Variants in ACOT11 observed in about 807,000 individuals in gnomAD.
ACOT11 encodes the protein acyl-CoA thioesterase 11, also known as acyl-coenzyme A thioesterase 11.
ACOT11 carries 69 observed loss-of-function variants against 77.5 expected under a neutral mutation model. The observed-to-expected ratio is 0.89, with a 90% CI of 0.73 to 1.09. The LOEUF (loss-of-function observed/expected upper bound fraction) is 1.09, where lower values mean the gene tolerates loss of function less well. Among genes scored for constraint, ACOT11 ranks in the 50% least tolerant of loss-of-function variants. The pLI is 0.00. For synonymous variants in ACOT11, 279 were observed against 313.0 expected (o/e 0.89, Z 1.15); for missense variants, 766 against 813.7 (o/e 0.94, Z 0.71).
At chr1:54,629,724 A>G (rs1644290045) in intron 15 of ACOT11, among the ~76,000 whole-genome samples, 1 of 132,512 alleles carries the variant, frequency 7.5e-6, no homozygotes, top group Non-Finnish European at 1.7e-5. Flanking sequence ...AGCTAGGACT[A>G]CAGCTGTGCA....
chr1:54,602,055 G>A (rs1458145317), intron 9 of ACOT11, among the ~76,000 whole-genome samples: 3 of 152,256 alleles, frequency 2.0e-5, no homozygotes, highest in African/African-American at 7.2e-5. Context: ...CTGTGGAGTT[G>A]GGTGGAGCCT....
At chr1:54,632,222 C>T (rs1644303469) in intron 16 of ACOT11, among the ~76,000 whole-genome samples, 1 of 152,194 alleles carries the variant, frequency 6.6e-6, no homozygotes, top group East Asian at 1.9e-4. Context: ...ATGAGGGGCC[C>T]GTCCCGGGCC....
Position 54,584,215 on chromosome 1 carries a change from T to G in ACOT11, c.34-440T>G, listed in dbSNP as rs1475907217. ...CCTTTGGGGATGAAATCAGAGCGGCTTCTTGAAACACTGTATTAGGAACAG... is the reference window on the plus strand; with the variant it reads ...CCTTTGGGGATGAAATCAGAGCGGCGTCTTGAAACACTGTATTAGGAACAG... On this transcript the variant is annotated intron_variant, in intron 1 of 15. Transcript: ENST00000343744. The surrounding 1 kb of genome is among the most constrained non-coding windows in gnomAD (Gnocchi z 6.3). Among the ~76,000 whole-genome samples, 1 of 152,096 alleles carries G rather than the reference T, an allele frequency of 6.6e-6. No individual in the cohort carries two copies. Among genetic ancestry groups the G allele is most frequent in the Non-Finnish European group, 1.5e-5 (1 of 68,026 alleles).
At chr1:54,616,961 C>T (rs978089863) in intron 15 of ACOT11, among the ~76,000 whole-genome samples, 2 of 146,926 alleles carry the variant, frequency 1.4e-5, no homozygotes, top group Non-Finnish European at 3.0e-5. Flanking sequence ...CCACTTTGGC[C>T]TCTCAAAGTG....
chr1:54,548,333 C>T lies in ACOT11; in HGVS notation c.24C>T (p.His8=). The T allele has an allele frequency of 6.2e-7, 1 of 1,602,548 alleles. No individual in the cohort carries two copies. The highest frequency in any genetic ancestry group is 8.5e-7 in the Non-Finnish European group (1 of 1,175,076). Residue 8 remains histidine, a synonymous_variant, in exon 1 of 16, where the codon CAC becomes CAT. Coordinates refer to ENST00000343744, the MANE Select transcript of ACOT11 (RefSeq NM_147161.4). The stretch of plus-strand genomic sequence containing the variant: ...CGATGATCCAGAATGTCGGAAATCA[C>T]CTGCGACGGGTATGGAGGGTGGGCT... MIQNVGN[H]LRRGLASVFS... is the part of the protein sequence containing the mutation.
chr1:54,554,054 TC>T (rs1653164836), intron 1 of ACOT11, among the ~76,000 whole-genome samples: 1 of 151,894 alleles, frequency 6.6e-6, no homozygotes, highest in Admixed American at 6.6e-5. Context: ...GCGCCTCTAG[TC>T]CCAGCTAGTT....
intron 1 of ACOT11, among the ~76,000 whole-genome samples, chr1:54,559,394 T>C (rs1207737369): frequency 6.6e-6 from 1 of 152,136 alleles, no homozygotes; most frequent in Non-Finnish European, 1.5e-5. Context: ...CCCGGGAGCC[T>C]TCGGAGAGCT....
rs1267288277 is a variant in ACOT11 at position 54,584,507 on chromosome 1, G to A, written c.34-148G>A. On this transcript the variant is annotated intron_variant, in intron 1 of 15. Transcript: ENST00000343744. The surrounding 1 kb of genome is among the most constrained non-coding windows in gnomAD (Gnocchi z 6.3). ...GGTCCGAGACCACGGGCTGGAGGGT[G>A]GTGACCACTCTCGGGTTGGGGTCTG... 5.8e-6 allele frequency: 4 copies of A among 689,110 alleles called. No homozygotes were observed. In the African/African-American group the frequency reaches 7.2e-5, roughly 12 times the overall value. The allele number at this position is 689,110 out of a possible 1,614,324, so 42.7% of individuals were successfully genotyped here.
At chr1:54,564,106 C>T (rs1569659894) in intron 1 of ACOT11, among the ~76,000 whole-genome samples, 2 of 150,544 alleles carry the variant, frequency 1.3e-5, no homozygotes, top group South Asian at 4.2e-4. Flanking sequence ...GTGGTGCGTG[C>T]CTGTAGTCTC....
At chr1:54,577,777 A>G (rs1426138882) in intron 1 of ACOT11, among the ~76,000 whole-genome samples, 1 of 152,264 alleles carries the variant, frequency 6.6e-6, no homozygotes, top group Non-Finnish European at 1.5e-5. Flanking sequence ...CATTCCCACC[A>G]GTAATGTACA....
chr1:54,618,130 T>G (rs1644194146), intron 15 of ACOT11, among the ~76,000 whole-genome samples: 1 of 152,144 alleles, frequency 6.6e-6, no homozygotes, highest in Non-Finnish European at 1.5e-5. Context: ...CCTCCCCATC[T>G]CTGGGCTGTT....
intron 16 of ACOT11, among the ~76,000 whole-genome samples, chr1:54,632,122 A>G (rs1644303043): frequency 6.6e-6 from 1 of 152,204 alleles, no homozygotes; most frequent in African/African-American, 2.4e-5. Context: ...TGATCCTGAA[A>G]TATGTCCAAA....
intron 10 of ACOT11, among the ~76,000 whole-genome samples, chr1:54,603,052 G>A (rs1272566120): frequency 1.3e-5 from 2 of 152,216 alleles, no homozygotes; most frequent in African/African-American, 2.4e-5. Flanking sequence ...ATGAAGAAAC[G>A]TTCAGAGAGG....
At chr1:54,591,442 G>A (rs1006458873) in intron 3 of ACOT11, among the ~76,000 whole-genome samples, 2 of 152,328 alleles carry the variant, frequency 1.3e-5, no homozygotes, top group African/African-American at 4.8e-5. Context: ...CTGTGTTCAC[G>A]GTGGCCCCTT....
chr1:54,569,777 T>C (rs1298304183), intron 1 of ACOT11, among the ~76,000 whole-genome samples: 1 of 152,190 alleles, frequency 6.6e-6, no homozygotes, highest in Non-Finnish European at 1.5e-5. Context: ...AAAAAAGTGA[T>C]AGCAACAGAA....
exon 17 of ACOT11, chr1:54,638,604 C>G (rs1289763153): frequency 6.6e-6 from 1 of 152,078 alleles, no homozygotes; most frequent in South Asian, 2.1e-4. Flanking sequence ...GTGATCTGCC[C>G]GCCTTGGCCT....
intron 4 of ACOT11, among the ~76,000 whole-genome samples, chr1:54,593,180 G>A (rs1466537986): frequency 6.6e-6 from 1 of 152,216 alleles, no homozygotes; most frequent in Non-Finnish European, 1.5e-5. Context: ...TGGTTCCTGA[G>A]GGAGCACTGA....
At chr1:54,587,029 C>G (rs979418212) in intron 3 of ACOT11, among the ~76,000 whole-genome samples, 1 of 152,204 alleles carries the variant, frequency 6.6e-6, no homozygotes, top group East Asian at 1.9e-4. Context: ...TCCCTGTACT[C>G]ACTCATTCAG....
intron 15 of ACOT11, among the ~76,000 whole-genome samples, chr1:54,617,025 C>T (rs1481160070): frequency 6.6e-6 from 1 of 152,136 alleles, no homozygotes; most frequent in Non-Finnish European, 1.5e-5. Flanking sequence ...TTTTAAAGCC[C>T]ATGTTATCAA....
Sources: allele counts gnomAD v4.1 joint callset (sites outside exome capture counted in the v4.1 genomes callset), GRCh38; gene constraint gnomAD v4.1.1; non-coding constraint Gnocchi (gnomAD v3.1); transcripts MANE v1.5; gene names NCBI Gene and HGNC (gene_info 2026-07-23, HGNC 2026-07-21).